The following RORB variants were observed in gnomAD, a reference collection of about 807,000 sequenced individuals.
The protein encoded by RORB is RAR related orphan receptor B, also known as nuclear receptor ROR-beta.
In RORB, 6 loss-of-function variants were observed where a neutral mutation model predicts 59.1. The observed-to-expected ratio is 0.10, with a 90% CI of 0.06 to 0.20. RORB has a LOEUF of 0.20. RORB is among the 10% of genes least tolerant of loss of function. The pLI is 1.00. For synonymous variants in RORB, 215 were observed against 204.5 expected (o/e 1.05, Z -0.44); for missense variants, 320 against 560.5 (o/e 0.57, Z 4.33).
intron 1 of RORB, among the ~76,000 whole-genome samples, chr9:74,545,099 G>GTTTT (rs113301176): frequency 6.3e-5 from 9 of 143,866 alleles, no homozygotes; most frequent in Non-Finnish European, 1.1e-4. Context: ...CTGCGAGCAG[G>GTTTT]TTTTTTTTTT....
chr9:74,638,352 G>T (rs1268110108), intron 3 of RORB, among the ~76,000 whole-genome samples: 2 of 152,110 alleles, frequency 1.3e-5, no homozygotes, highest in Admixed American at 6.5e-5. Context: ...AATGATTTCC[G>T]ATACTTTCAC....
At chr9:74,624,177 G>C (rs1823470036) in intron 1 of RORB, among the ~76,000 whole-genome samples, 2 of 152,126 alleles carry the variant, frequency 1.3e-5, no homozygotes, top group South Asian at 4.1e-4. Flanking sequence ...ATGATAAATG[G>C]TATAGGGAAT....
chr9:74,628,655 C>T (rs1460573634), intron 1 of RORB, among the ~76,000 whole-genome samples: 1 of 152,098 alleles, frequency 6.6e-6, no homozygotes. Context: ...CAATGTCTTG[C>T]ATTTATTTGT....
At chr9:74,521,529 C>G (rs1294216642) in intron 1 of RORB, among the ~76,000 whole-genome samples, 1 of 151,796 alleles carries the variant, frequency 6.6e-6, no homozygotes, top group African/African-American at 2.4e-5. Flanking sequence ...TAAGTCTTCA[C>G]AGTTAATAAA....
intron 1 of RORB, among the ~76,000 whole-genome samples, chr9:74,503,415 A>C (rs1825827905): frequency 6.6e-6 from 1 of 152,194 alleles, no homozygotes; most frequent in African/African-American, 2.4e-5. Flanking sequence ...TGAATATTTG[A>C]GAGAGAAAAT....
intron 1 of RORB, among the ~76,000 whole-genome samples, chr9:74,502,649 A>C (rs747459602): frequency 3.5e-4 from 54 of 152,240 alleles, no homozygotes; most frequent in Non-Finnish European, 6.6e-4. Flanking sequence ...AAAATTATAT[A>C]TGCATGGGTC....
At chr9:74,615,579 A>G in intron 1 of RORB, 1 of 453,640 alleles carries the variant, frequency 2.2e-6, no homozygotes, top group Admixed American at 2.4e-5. Context: ...TTTCAGTTAG[A>G]CTTTTAATTG....
chr9:74,580,793 C>T (rs1180440372), intron 1 of RORB, among the ~76,000 whole-genome samples: 4 of 152,088 alleles, frequency 2.6e-5, no homozygotes, highest in Admixed American at 6.6e-5. Context: ...TTGGGGTAGC[C>T]ACTGAAATAA....
intron 1 of RORB, among the ~76,000 whole-genome samples, chr9:74,589,683 AG>A (rs1297121522): frequency 6.6e-6 from 1 of 152,236 alleles, no homozygotes; most frequent in East Asian, 1.9e-4. Context: ...AAAAGAAAAA[AG>A]CACAGGATGA....
chr9:74,588,421 A>G (rs1822839430), intron 1 of RORB, among the ~76,000 whole-genome samples: 1 of 152,174 alleles, frequency 6.6e-6, no homozygotes, highest in African/African-American at 2.4e-5. Context: ...AGGTCAATGA[A>G]TTTTGATGTT....
intron 1 of RORB, among the ~76,000 whole-genome samples, chr9:74,540,181 G>T (rs915043850): frequency 6.6e-6 from 1 of 152,094 alleles, no homozygotes; most frequent in Non-Finnish European, 1.5e-5. Flanking sequence ...TCATTGATCT[G>T]CACAGTTTGA....
At chr9:74,578,521 C>T (rs1822671535) in intron 1 of RORB, among the ~76,000 whole-genome samples, 1 of 151,952 alleles carries the variant, frequency 6.6e-6, no homozygotes, top group African/African-American at 2.4e-5. Context: ...GCACATGTAC[C>T]TTCTGAACCT....
At chr9:74,540,200 A>C (rs1312743677) in intron 1 of RORB, among the ~76,000 whole-genome samples, 2 of 152,194 alleles carry the variant, frequency 1.3e-5, no homozygotes, top group African/African-American at 4.8e-5. Context: ...GAATACAAAA[A>C]TATATATAAC....
intron 1 of RORB, among the ~76,000 whole-genome samples, chr9:74,555,792 T>C (rs1243397840): frequency 6.6e-6 from 1 of 152,220 alleles, no homozygotes; most frequent in Non-Finnish European, 1.5e-5. Flanking sequence ...TTATGTATTC[T>C]GCAAATGCGT....
intron 1 of RORB, chr9:74,615,786 TATA>T (rs1823303529): frequency 3.5e-6 from 1 of 289,442 alleles, no homozygotes. Context: ...CAGGAATGTA[TATA>T]ATAAAACAAG....
At chr9:74,570,048 T>C (rs1822528071) in intron 1 of RORB, among the ~76,000 whole-genome samples, 1 of 152,100 alleles carries the variant, frequency 6.6e-6, no homozygotes, top group South Asian at 2.1e-4. Context: ...GCTAGTAAAA[T>C]TGCCAATCTT....
At chr9:74,652,279 G>C (rs150288735) in intron 4 of RORB, among the ~76,000 whole-genome samples, 2 of 152,068 alleles carry the variant, frequency 1.3e-5, no homozygotes, top group African/African-American at 4.8e-5. Flanking sequence ...GTGGTGGCTC[G>C]TGCCTGTAGT....
chr9:74,535,002 T>C (rs1826299849), intron 1 of RORB, among the ~76,000 whole-genome samples: 2 of 152,010 alleles, frequency 1.3e-5, no homozygotes, highest in Non-Finnish European at 1.5e-5. Flanking sequence ...CACCTCTCCA[T>C]ATAGATCAGC....
At chr9:74,584,568 C>T (rs1298815449) in intron 1 of RORB, among the ~76,000 whole-genome samples, 1 of 152,118 alleles carries the variant, frequency 6.6e-6, no homozygotes, top group Non-Finnish European at 1.5e-5. Context: ...GGACTTTCAC[C>T]ATGCCGTTTA....
Sources: allele counts gnomAD v4.1 joint callset (sites outside exome capture counted in the v4.1 genomes callset), GRCh38; gene constraint gnomAD v4.1.1; transcripts MANE v1.5; gene names NCBI Gene and HGNC (gene_info 2026-07-23, HGNC 2026-07-21).